Variants in THAP4 observed in about 807,000 individuals in gnomAD.
The protein encoded by THAP4 is THAP domain containing 4, also known as peroxynitrite isomerase THAP4.
In THAP4, 18 loss-of-function variants were observed where a neutral mutation model predicts 48.1. The ratio of observed to expected loss-of-function variants is 0.37; its 90% CI spans 0.26 to 0.56. The LOEUF (loss-of-function observed/expected upper bound fraction) is 0.56, where lower values mean the gene tolerates loss of function less well. Among genes scored for constraint, THAP4 ranks in the 20% least tolerant of loss-of-function variants. THAP4 has a pLI of 0.78. For synonymous variants in THAP4, 345 were observed against 324.9 expected (o/e 1.06, Z -0.66); for missense variants, 656 against 774.9 (o/e 0.85, Z 1.82).
intron 2 of THAP4, among the ~76,000 whole-genome samples, chr2:241,630,115 A>G (rs1348804536): frequency 6.6e-6 from 1 of 152,186 alleles, no homozygotes; most frequent in African/African-American, 2.4e-5. Flanking sequence ...ACTACAAAAA[A>G]ATTTGCTCCC....
chr2:241,625,191 C>G (rs1197274392), intron 2 of THAP4, among the ~76,000 whole-genome samples: 1 of 152,058 alleles, frequency 6.6e-6, no homozygotes, highest in Admixed American at 6.5e-5. Context: ...AAGAAAACTA[C>G]AGGCCGGGTG....
intron 5 of THAP4, among the ~76,000 whole-genome samples, chr2:241,598,984 TG>T (rs1157181658): frequency 6.6e-6 from 1 of 151,492 alleles, no homozygotes; most frequent in Non-Finnish European, 1.5e-5. Flanking sequence ...CTGGGCGCAG[TG>T]GCTCATGCCC....
rs368795607 is a variant in THAP4 at position 241,633,203 on chromosome 2, G to C, written c.954C>G (p.Ser318Arg). ...TPKPATEAVQ[S>R]EHSDASPMSI... ...ACATGGGGCTGGCGTCGCTGTGCTC[G>C]CTCTGCACGGCTTCCGTGGCTGGCT... The change falls in exon 2 of 6, where the codon AGC (serine) becomes AGG (arginine). Residue 318 changes from serine to arginine, a missense_variant. Physicochemically the swap from Ser to Arg is moderately radical, Grantham distance 110 (BLOSUM62 -1). Coordinates refer to ENST00000407315, the MANE Select transcript of THAP4 (RefSeq NM_015963.6). This position sits in a 1 kb window ranked among gnomAD's most constrained non-coding sequence, Gnocchi z 7.5. The C allele has an allele frequency of 3.1e-6, 5 of 1,609,192 alleles. No homozygotes were observed. The African/African-American group carries it at 5.4e-5, about 17-fold the overall frequency.
At chr2:241,590,570 A>C (rs1575016671) in intron 5 of THAP4, among the ~76,000 whole-genome samples, 1 of 107,630 alleles carries the variant, frequency 9.3e-6, no homozygotes, top group Non-Finnish European at 2.0e-5. Flanking sequence ...TGCCCGGCTG[A>C]TGATGAGGGG....
intron 4 of THAP4, chr2:241,602,303 C>T (rs2067124721): frequency 5.1e-6 from 2 of 392,708 alleles, no homozygotes; most frequent in Non-Finnish European, 9.2e-6. Flanking sequence ...TGGCAGAAGT[C>T]GCAGGTGGGA....
Position 241,637,059 on chromosome 2 carries a change from G to GCCGC in THAP4, c.-46_-43dup, listed in dbSNP as rs752852936. On this transcript the variant is annotated 5_prime_UTR_variant, in exon 1 of 6. Transcript: ENST00000407315. ...GCCGCGCAGCCAGGCCCCGGCCCTA[G>GCCGC]CCGCCCGCCCGCCCGCGGACCGCCC... 2.1e-4 allele frequency: 237 copies of GCCGC among 1,130,942 alleles called. No individual in the cohort carries two copies. The highest frequency in any genetic ancestry group is 6.1e-4 in the South Asian group (27 of 44,284). 70.1% of individuals were successfully genotyped at this position (1,130,942 alleles called of 1,614,324 possible).
chr2:241,619,719 AGTG>A (rs2067388557), intron 2 of THAP4, among the ~76,000 whole-genome samples: 1 of 141,956 alleles, frequency 7.0e-6, no homozygotes, highest in African/African-American at 2.6e-5. Flanking sequence ...GTGAAGGGTG[AGTG>A]AGTCGGTGAG....
upstream of THAP4, chr2:241,637,502 C>T (rs1182990418): frequency 1.4e-6 from 2 of 1,433,608 alleles, no homozygotes; most frequent in Non-Finnish European, 1.8e-6. Flanking sequence ...TCCCACGACA[C>T]GACCCCATGC....
At chr2:241,630,703 C>T (rs572225405) in intron 2 of THAP4, among the ~76,000 whole-genome samples, 10 of 150,550 alleles carry the variant, frequency 6.6e-5, no homozygotes, top group African/African-American at 2.2e-4. Context: ...TGCTTGAACC[C>T]GGGAGGTGGA....
At chr2:241,589,878 T>G (rs747026193) in intron 5 of THAP4, among the ~76,000 whole-genome samples, 3 of 152,122 alleles carry the variant, frequency 2.0e-5, no homozygotes, top group African/African-American at 4.8e-5. Context: ...GCAGAACTGC[T>G]GAATCTTGAG....
intron 5 of THAP4, 108 bp from the exon 6 acceptor site, chr2:241,584,833 G>A (rs1411414045): frequency 1.4e-6 from 2 of 1,422,118 alleles, no homozygotes; most frequent in African/African-American, 2.8e-5. Context: ...TGTGAGCCAG[G>A]CAGTGGCCCT....
intron 2 of THAP4, among the ~76,000 whole-genome samples, chr2:241,627,366 T>C (rs1305004720): frequency 1.3e-5 from 2 of 152,226 alleles, no homozygotes; most frequent in African/African-American, 4.8e-5. Context: ...TTAACAGGCG[T>C]TGGTATCCTT....
intron 2 of THAP4, among the ~76,000 whole-genome samples, chr2:241,632,482 G>A (rs1444937875): frequency 1.3e-5 from 2 of 152,128 alleles, no homozygotes; most frequent in Admixed American, 6.5e-5. Flanking sequence ...TCCTTAAAAC[G>A]TGAACAGAAA....
At chr2:241,618,842 T>A (rs1427049549) in intron 2 of THAP4, among the ~76,000 whole-genome samples, 2 of 151,004 alleles carry the variant, frequency 1.3e-5, no homozygotes, top group Admixed American at 1.3e-4. Context: ...AAAAAACACC[T>A]CATGTCTCTG....
intron 5 of THAP4, among the ~76,000 whole-genome samples, chr2:241,587,780 T>G (rs545137915): frequency 1.3e-5 from 2 of 152,126 alleles, no homozygotes; most frequent in South Asian, 2.1e-4. Context: ...CCGGGTGTGG[T>G]GGCACATGCC....
At chr2:241,631,346 A>G (rs959095332) in intron 2 of THAP4, among the ~76,000 whole-genome samples, 2 of 152,254 alleles carry the variant, frequency 1.3e-5, no homozygotes, top group Admixed American at 1.3e-4. Context: ...TTTCCTATGT[A>G]CACGACAGGC....
Position 241,600,787 on chromosome 2 carries a change from A to T in THAP4, c.1614+1109T>A, listed in dbSNP as rs150627859. On this transcript the variant is annotated intron_variant, in intron 5 of 5. Coordinates refer to ENST00000407315, the MANE Select transcript of THAP4 (RefSeq NM_015963.6). Reference sequence around the variant, plus strand: ...TATTTTTATCATTTTGGAGTGGACAACAACTTCCTTAGCAAGAACCCAAAT... The same window carrying T: ...TATTTTTATCATTTTGGAGTGGACATCAACTTCCTTAGCAAGAACCCAAAT... Among the ~76,000 whole-genome samples, 132 of 152,130 alleles carry T rather than the reference A, an allele frequency of 8.7e-4. 1 individual carries two copies. The highest frequency in any genetic ancestry group is 1.3e-3 in the Non-Finnish European group (89 of 67,990).
At chr2:241,618,990 ACCAGT>A (rs2067379094) in intron 2 of THAP4, among the ~76,000 whole-genome samples, 1 of 152,202 alleles carries the variant, frequency 6.6e-6, no homozygotes, top group African/African-American at 2.4e-5. Flanking sequence ...CTCCAGCCCC[ACCAGT>A]CTTCCGTCTC....
rs575612501 is a variant in THAP4 at position 241,584,970 on chromosome 2, C to G, written c.1615-245G>C. The stretch of plus-strand genomic sequence containing the variant: ...TTTATTTAGAAGTCACCTTTTTTGT[C>G]GACGGCCATACCACCCTGAACGCAC... On this transcript the variant is annotated intron_variant, in intron 5 of 5. Transcript: ENST00000407315. 4.8e-5 allele frequency: 24 copies of G among 503,772 alleles called. No individual in the cohort carries two copies. The East Asian group carries it at 7.8e-4, about 16-fold the overall frequency. The allele number at this position is 503,772 out of a possible 1,614,324, so 31.2% of individuals were successfully genotyped here.
Sources: allele counts gnomAD v4.1 joint callset (sites outside exome capture counted in the v4.1 genomes callset), GRCh38; gene constraint gnomAD v4.1.1; non-coding constraint Gnocchi (gnomAD v3.1); transcripts MANE v1.5; gene names NCBI Gene and HGNC (gene_info 2026-07-23, HGNC 2026-07-21).